Variants in CCSER2 observed in about 807,000 individuals in gnomAD.
CCSER2 encodes the protein coiled-coil serine rich protein 2, also known as serine-rich coiled-coil domain-containing protein 2.
Under a neutral mutation model 92.3 loss-of-function variants are expected in CCSER2, and 46 were observed. That is an observed-to-expected ratio of 0.50 (90% CI 0.39 to 0.64). The LOEUF (loss-of-function observed/expected upper bound fraction) is 0.64, where lower values mean the gene tolerates loss of function less well. Among genes scored for constraint, CCSER2 ranks in the 30% least tolerant of loss-of-function variants. The pLI is 0.00. For missense variants in CCSER2, 1,244 were observed against 1,238.9 expected (o/e 1.00, Z -0.06); for synonymous variants, 433 against 431.4 (o/e 1.00, Z -0.04).
At chr10:84,346,817 T>C (rs1844511533) in intron 1 of CCSER2, among the ~76,000 whole-genome samples, 1 of 151,648 alleles carries the variant, frequency 6.6e-6, no homozygotes, top group African/African-American at 2.4e-5. Flanking sequence ...CATTCTTGGG[T>C]GTTTCTCGCA....
At chr10:84,427,240 C>G (rs1412969189) in intron 5 of CCSER2, among the ~76,000 whole-genome samples, 3 of 152,140 alleles carry the variant, frequency 2.0e-5, no homozygotes, top group African/African-American at 7.2e-5. Context: ...CTGAGGTACA[C>G]TGGTTTGTTG....
intron 6 of CCSER2, among the ~76,000 whole-genome samples, chr10:84,441,898 A>T (rs1844591869): frequency 6.6e-6 from 1 of 151,516 alleles, no homozygotes; most frequent in Non-Finnish European, 1.5e-5. Flanking sequence ...CTGGGACTAC[A>T]GGCGCCCACC....
At chr10:84,372,934 A>G (rs975653631) in intron 2 of CCSER2, among the ~76,000 whole-genome samples, 1 of 152,124 alleles carries the variant, frequency 6.6e-6, no homozygotes, top group Admixed American at 6.6e-5. Flanking sequence ...CTTGTTTAGC[A>G]ATTTTTTAGA....
intron 1 of CCSER2, among the ~76,000 whole-genome samples, chr10:84,349,158 A>G (rs921134530): frequency 4.6e-5 from 7 of 152,138 alleles, no homozygotes; most frequent in African/African-American, 1.7e-4. Context: ...GAAACTTTCT[A>G]TTAAGGGCCT....
At position 84,438,590 on chromosome 10, in the gene CCSER2, G is replaced by A. The variant is rs564236713; in HGVS notation, c.1947G>A (p.Met649Ile). ...GGMPFFQAQKMFVDVPENTVI... is the reference protein window; with the variant it reads ...GGMPFFQAQKIFVDVPENTVI... ...TGCCCTTTTTCCAGGCTCAGAAGAT[G>A]TTTGTTGATGTACCAGAAAATACAG... The change falls in exon 6 of 10, where the codon ATG becomes ATA. Residue 649 changes from methionine to isoleucine, a missense_variant. Met to Ile is a conservative substitution (Grantham distance 10, BLOSUM62 1). Transcript: ENST00000372088. 1.2e-6 allele frequency: 2 copies of A among 1,613,520 alleles called. No homozygotes were observed. The highest frequency in any genetic ancestry group is 4.5e-5 in the East Asian group (2 of 44,866).
At chr10:84,385,817 A>C (rs1841171105) in intron 3 of CCSER2, among the ~76,000 whole-genome samples, 1 of 152,200 alleles carries the variant, frequency 6.6e-6, no homozygotes, top group African/African-American at 2.4e-5. Context: ...ACAGAATGTG[A>C]GAAAATATTT....
chr10:84,360,844 T>G (rs1490385972), intron 1 of CCSER2, among the ~76,000 whole-genome samples: 3 of 152,262 alleles, frequency 2.0e-5, no homozygotes, highest in Non-Finnish European at 4.4e-5. Flanking sequence ...ACAAGCACTG[T>G]GGAACCACTG....
intron 4 of CCSER2, chr10:84,425,020 G>A (rs1843353874): frequency 1.0e-6 from 1 of 981,596 alleles, no homozygotes; most frequent in Non-Finnish European, 1.2e-6. Context: ...CTTAGTGAGT[G>A]CTCAGATATG....
At position 84,391,273 on chromosome 10, in the gene CCSER2, T is replaced by A. The variant is rs957290107; in HGVS notation, c.1614+17458T>A. On this transcript the variant is annotated intron_variant, in intron 3 of 9. Transcript: ENST00000372088. ...TAAACAATGCTCAACCAGATCAATA[T>A]GAAGCTCCAGATAAAGATTTTATGT... The A allele has an allele frequency of 4.1e-6, 6 of 1,451,736 alleles. No individual in the cohort carries two copies. In the Admixed American group the frequency reaches 5.0e-5, roughly 12 times the overall value. The allele number at this position is 1,451,736 out of a possible 1,614,324, so 89.9% of individuals were successfully genotyped here. A position where few individuals can be genotyped will look rare whatever the true frequency, so the allele number is the denominator to read the frequency against.
intron 1 of CCSER2, among the ~76,000 whole-genome samples, chr10:84,351,228 GTTTT>G (rs1400729292): frequency 6.6e-6 from 1 of 151,640 alleles, no homozygotes; most frequent in Non-Finnish European, 1.5e-5. Flanking sequence ...ATAGGGAGAA[GTTTT>G]TTTGTTTTTT....
chr10:84,367,635 T>G (rs1324225858), intron 1 of CCSER2, among the ~76,000 whole-genome samples: 2 of 152,058 alleles, frequency 1.3e-5, no homozygotes, highest in African/African-American at 4.8e-5. Flanking sequence ...CACCTTAGCC[T>G]CCTCGATATA....
At chr10:84,500,037 C>A in intron 9 of CCSER2, 1 of 1,600,798 alleles carries the variant, frequency 6.2e-7, no homozygotes, top group South Asian at 1.1e-5. Context: ...CCTGTTCCTC[C>A]CCAGCACCTC....
intron 6 of CCSER2, among the ~76,000 whole-genome samples, chr10:84,463,155 G>C (rs1030045671): frequency 5.3e-5 from 8 of 152,244 alleles, no homozygotes; most frequent in East Asian, 3.9e-4. Context: ...ACTTAGTATT[G>C]TCATCCTATT....
chr10:84,348,514 A>C (rs554264579), intron 1 of CCSER2, among the ~76,000 whole-genome samples: 1 of 151,624 alleles, frequency 6.6e-6, no homozygotes, highest in East Asian at 1.9e-4. Context: ...GGGAGAGGGC[A>C]AGGGCGAGGG....
intron 3 of CCSER2, among the ~76,000 whole-genome samples, chr10:84,378,655 G>C (rs1243517679): frequency 6.6e-6 from 1 of 152,000 alleles, no homozygotes; most frequent in Admixed American, 6.5e-5. Flanking sequence ...GGCTGGTCTC[G>C]AACTCCTGAC....
rs1008603809 is a variant in CCSER2 at position 84,515,430 on chromosome 10, G to C, written c.*1163G>C. 1 of 151,904 alleles carries C rather than the reference G, an allele frequency of 6.6e-6. No homozygotes were observed. Among genetic ancestry groups the C allele is most frequent in the Non-Finnish European group, 1.5e-5 (1 of 67,964 alleles). 9.4% of individuals were successfully genotyped at this position (151,904 alleles called of 1,614,324 possible). ...CCAGTCTCCTAGGTTTCCCTTTTCTGTGTTTTTTGTTTTTTTCTGTTTGTT... is the reference window on the plus strand; with the variant it reads ...CCAGTCTCCTAGGTTTCCCTTTTCTCTGTTTTTTGTTTTTTTCTGTTTGTT... On this transcript the variant is annotated 3_prime_UTR_variant, in exon 10 of 10. Coordinates refer to ENST00000372088, the MANE Select transcript of CCSER2 (RefSeq NM_001284240.2).
At chr10:84,425,088 T>G (rs1334315772) in intron 4 of CCSER2, 1 of 969,414 alleles carries the variant, frequency 1.0e-6, no homozygotes. Context: ...GAGATTCTTT[T>G]CGTGTTTTTG....
intron 9 of CCSER2, among the ~76,000 whole-genome samples, chr10:84,489,339 G>A (rs1189403446): frequency 1.3e-5 from 2 of 152,146 alleles, no homozygotes; most frequent in Non-Finnish European, 2.9e-5. Flanking sequence ...ACAGTGGGGT[G>A]TTAAAGTCTT....
intron 3 of CCSER2, among the ~76,000 whole-genome samples, chr10:84,398,840 A>G (rs920340339): frequency 6.6e-6 from 1 of 152,242 alleles, no homozygotes; most frequent in Non-Finnish European, 1.5e-5. Context: ...TTATGTAGAC[A>G]TATTCACAGA....
Sources: allele counts gnomAD v4.1 joint callset (sites outside exome capture counted in the v4.1 genomes callset), GRCh38; gene constraint gnomAD v4.1.1; transcripts MANE v1.5; gene names NCBI Gene and HGNC (gene_info 2026-07-23, HGNC 2026-07-21).